The following DLGAP1 variants were observed in gnomAD, a reference collection of about 807,000 sequenced individuals.
The protein encoded by DLGAP1 is disks large-associated protein 1.
Under a neutral mutation model 90.8 loss-of-function variants are expected in DLGAP1, and 11 were observed. The ratio of observed to expected loss-of-function variants is 0.12; its 90% CI spans 0.08 to 0.20. The LOEUF is 0.20. Ranked by LOEUF, DLGAP1 falls within the 10% of genes least tolerant of loss-of-function variation. DLGAP1 has a pLI of 1.00. For synonymous variants in DLGAP1, 558 were observed against 540.7 expected (o/e 1.03, Z -0.44); for missense variants, 1,050 against 1,333.8 (o/e 0.79, Z 3.31).
Position 3,792,154 on chromosome 18 carries a change from C to A in DLGAP1, c.1172+21905G>T, listed in dbSNP as rs117910838. Among the ~76,000 whole-genome samples, 371 of 152,210 alleles carry A rather than the reference C, an allele frequency of 2.4e-3. 7 individuals are homozygous for A. In the East Asian group the frequency reaches 0.053, roughly 22 times the overall value. On this transcript the variant is annotated intron_variant, in intron 5 of 12. Coordinates refer to ENST00000315677, the MANE Select transcript of DLGAP1 (RefSeq NM_004746.4). ...ACTCACGGGCCTGCAGGGCAGCAGCCCTCTTCCCTAACTCCAGCTGTGGGT... is the reference window on the plus strand; with the variant it reads ...ACTCACGGGCCTGCAGGGCAGCAGCACTCTTCCCTAACTCCAGCTGTGGGT...
At chr18:3,777,807 A>G (rs1471517510) in intron 5 of DLGAP1, among the ~76,000 whole-genome samples, 2 of 152,224 alleles carry the variant, frequency 1.3e-5, no homozygotes, top group Admixed American at 6.5e-5. Context: ...TAATTGGACT[A>G]ATAGGAATTG....
At chr18:3,931,932 TG>T (rs2072524881) in intron 3 of DLGAP1, among the ~76,000 whole-genome samples, 1 of 152,278 alleles carries the variant, frequency 6.6e-6, no homozygotes, top group African/African-American at 2.4e-5. Flanking sequence ...GCAAGGTTGA[TG>T]GATCTACAGT....
chr18:3,695,442 C>G (rs948372260), intron 7 of DLGAP1, among the ~76,000 whole-genome samples: 2 of 152,164 alleles, frequency 1.3e-5, no homozygotes, highest in African/African-American at 4.8e-5. Context: ...TTTCCCAGCA[C>G]CATTTATTAA....
chr18:3,856,094 T>C (rs923876105), intron 4 of DLGAP1, among the ~76,000 whole-genome samples: 1 of 152,156 alleles, frequency 6.6e-6, no homozygotes, highest in Non-Finnish European at 1.5e-5. Flanking sequence ...ATGTGTAATA[T>C]TTAGTGTTTT....
chr18:3,917,709 A>G (rs9953086), intron 3 of DLGAP1, among the ~76,000 whole-genome samples: 88,283 of 151,962 alleles, frequency 0.58, 25,721 homozygotes, highest in African/African-American at 0.61. Flanking sequence ...CATACGTTGG[A>G]TGATTTTTTA....
chr18:3,588,182 G>A (rs773566046), intron 7 of DLGAP1, among the ~76,000 whole-genome samples: 2 of 152,178 alleles, frequency 1.3e-5, no homozygotes, highest in African/African-American at 2.4e-5. Flanking sequence ...TTTTGGGGCC[G>A]GGCGCTGTGG....
chr18:3,603,894 T>C (rs1274530380), intron 7 of DLGAP1: 5 of 154,304 alleles, frequency 3.2e-5, no homozygotes, highest in Non-Finnish European at 5.9e-5. Context: ...CCACTCCCTA[T>C]GGCTTTGCAA....
intron 1 of DLGAP1, among the ~76,000 whole-genome samples, chr18:4,260,595 CAT>C (rs2078983994): frequency 6.6e-6 from 1 of 152,144 alleles, no homozygotes; most frequent in Non-Finnish European, 1.5e-5. Context: ...ATGAATATCT[CAT>C]ATGGCTAAAT....
chr18:4,333,712 C>T (rs1038913558), intron 1 of DLGAP1, among the ~76,000 whole-genome samples: 15 of 149,080 alleles, frequency 1.0e-4, no homozygotes, highest in South Asian at 2.1e-4. Flanking sequence ...CTCCACCTCC[C>T]GGGTTCACAC....
chr18:3,580,762 G>A (rs777030783), intron 8 of DLGAP1: 566 of 1,612,210 alleles, frequency 3.5e-4, no homozygotes, highest in Non-Finnish European at 4.5e-4. Flanking sequence ...AGGTGTGACC[G>A]GAGACTTTGC....
chr18:3,891,640 C>T (rs868039898), intron 3 of DLGAP1, among the ~76,000 whole-genome samples: 7 of 152,264 alleles, frequency 4.6e-5, no homozygotes, highest in East Asian at 1.9e-4. Context: ...ATACCAGGCA[C>T]GTGTTGTCCA....
rs184694545 is a variant in DLGAP1, at chr18:4,186,202, A to C, written c.-266-34915T>G. ...GACCTTTTTCGGATGCATAGTTTCC[A>C]AATATTTTCTCCCATTCTGTAGGTT... is the stretch of plus-strand genomic sequence containing the variant. On this transcript the variant is annotated intron_variant, in intron 1 of 12. Coordinates refer to ENST00000315677, the MANE Select transcript of DLGAP1 (RefSeq NM_004746.4). 2.3e-3 allele frequency among the ~76,000 whole-genome samples: 355 copies of C among 152,232 alleles called. 8 individuals carry two copies. The Middle Eastern group carries it at 0.034, about 15-fold the overall frequency.
chr18:3,986,191 A>C (rs2073839034), intron 3 of DLGAP1: 1 of 152,012 alleles, frequency 6.6e-6, no homozygotes, highest in African/African-American at 2.4e-5. Context: ...CCCGTTTCTT[A>C]TGCAGGTGGA....
chr18:3,897,891 T>C (rs1486537787), intron 3 of DLGAP1, among the ~76,000 whole-genome samples: 1 of 147,872 alleles, frequency 6.8e-6, no homozygotes, highest in Non-Finnish European at 1.5e-5. Context: ...GCTTCCCGGG[T>C]TCACGCCATT....
In DLGAP1 at chr18:4,083,882, T is replaced by C. The variant is rs541108085; in HGVS notation, c.-159+67298A>G. On this transcript the variant is annotated intron_variant, in intron 2 of 12. Coordinates refer to ENST00000315677, the MANE Select transcript of DLGAP1 (RefSeq NM_004746.4). ...AGCTTGGCCGTCAGCAGGTGGCTTA[T>C]GTTAATTAGCTCAATGAGACCCTCT... Among the ~76,000 whole-genome samples, 6 of 152,232 alleles carry C rather than the reference T, an allele frequency of 3.9e-5. No homozygotes were observed. The East Asian group carries it at 1.2e-3, about 29-fold the overall frequency.
chr18:3,600,927 T>G (rs1488732365), intron 7 of DLGAP1, among the ~76,000 whole-genome samples: 9 of 76,422 alleles, frequency 1.2e-4, no homozygotes, highest in African/African-American at 2.5e-4. Context: ...TATAGATATA[T>G]ATAGATATAT....
At chr18:4,361,550 CA>C (rs2081630095) in intron 1 of DLGAP1, among the ~76,000 whole-genome samples, 1 of 152,110 alleles carries the variant, frequency 6.6e-6, no homozygotes, top group Non-Finnish European at 1.5e-5. Context: ...TGGATTTCCA[CA>C]AACAAGAAAA....
chr18:4,328,500 T>TG (rs1451130072), intron 1 of DLGAP1, among the ~76,000 whole-genome samples: 1 of 151,978 alleles, frequency 6.6e-6, no homozygotes, highest in Non-Finnish European at 1.5e-5. Flanking sequence ...AAACAAAGCT[T>TG]GCAAGAACAT....
intron 2 of DLGAP1, among the ~76,000 whole-genome samples, chr18:4,026,071 T>A (rs181741970): frequency 9.2e-5 from 14 of 152,358 alleles, no homozygotes; most frequent in Non-Finnish European, 1.9e-4. Flanking sequence ...CAAAATGTTG[T>A]CAGGTTCTTG....
Sources: gnomAD v4.1 joint callset for allele counts (sites outside exome capture counted in the v4.1 genomes callset) on GRCh38, gnomAD v4.1.1 for gene constraint, MANE v1.5 for transcripts, NCBI Gene and HGNC (gene_info 2026-07-23, HGNC 2026-07-21) for gene names.